DNAH5: variants seen among roughly 807,000 people sequenced by gnomAD.
The protein encoded by DNAH5 is axonemal beta dynein heavy chain 5.
A neutral mutation model predicts 518.2 loss-of-function variants in DNAH5; 372 were observed. The observed-to-expected ratio is 0.72, with a 90% CI of 0.66 to 0.78. The LOEUF (loss-of-function observed/expected upper bound fraction) is 0.78. Ranked by LOEUF, DNAH5 falls within the 30% of genes least tolerant of loss-of-function variation. DNAH5 has a pLI of 0.00. For missense variants in DNAH5, 5,523 were observed against 5,687.0 expected (o/e 0.97, Z 0.93); for synonymous variants, 2,039 against 2,025.9 (o/e 1.01, Z -0.17).
intron 53 of DNAH5, among the ~76,000 whole-genome samples, chr5:13,779,957 T>G (rs1252370029): frequency 1.3e-5 from 2 of 152,164 alleles, no homozygotes; most frequent in Non-Finnish European, 2.9e-5. Context: ...ATGTCCTCCC[T>G]AGGAGCAACT....
At chr5:13,839,976 T>C (rs1764942319) in intron 34 of DNAH5, among the ~76,000 whole-genome samples, 1 of 152,186 alleles carries the variant, frequency 6.6e-6, no homozygotes, top group Non-Finnish European at 1.5e-5. Flanking sequence ...CCAGTAATTA[T>C]TTTTCCCAAG....
At chr5:13,868,035 C>A in intron 24 of DNAH5, 43 bp from the exon 25 acceptor site, 1 of 1,346,078 alleles carries the variant, frequency 7.4e-7, no homozygotes, top group South Asian at 1.2e-5. Context: ...CAGTCAGATG[C>A]ATAAATCTAC....
At chr5:13,976,432 AC>A (rs2152062136) in intron 1 of DNAH5, among the ~76,000 whole-genome samples, 1 of 152,220 alleles carries the variant, frequency 6.6e-6, no homozygotes, top group Admixed American at 6.5e-5. Context: ...TGTCCAGAGT[AC>A]CCATGCTGTA....
intron 35 of DNAH5, among the ~76,000 whole-genome samples, chr5:13,833,943 C>T (rs1408738174): frequency 2.6e-5 from 4 of 152,222 alleles, no homozygotes; most frequent in Admixed American, 6.5e-5. Flanking sequence ...GCTGCCCCAG[C>T]TGTTAAATTC....
At position 13,800,870 on chromosome 5, in the gene DNAH5, G is replaced by A. The variant is rs536229619; in HGVS notation, c.7887+6721C>T. ...TTAATAAAACCAAGTAGATATGTTC[G>A]CTTATTAGATTATTGCCTGTCTCCT... On this transcript the variant is annotated intron_variant, in intron 47 of 78. Transcript: ENST00000265104. Among the ~76,000 whole-genome samples the A allele has an allele frequency of 1.1e-4, 16 of 152,182 alleles. No individual in the cohort carries two copies. The East Asian group carries it at 2.1e-3, about 20-fold the overall frequency.
intron 66 of DNAH5, 96 bp from the exon 67 acceptor site, chr5:13,736,028 C>T (rs1747358613): frequency 9.9e-7 from 1 of 1,010,814 alleles, no homozygotes; most frequent in East Asian, 2.4e-5. Flanking sequence ...AAAACAACAA[C>T]TTTTATTTTA....
chr5:13,754,620 C>T (rs946124108), intron 61 of DNAH5, among the ~76,000 whole-genome samples: 2 of 152,048 alleles, frequency 1.3e-5, no homozygotes, highest in Non-Finnish European at 1.5e-5. Context: ...CTCACTGCAA[C>T]CTCTGCCTCC....
Position 13,753,999 on chromosome 5 carries a change from G to GCA in DNAH5, c.10555+202_10555+203dup, listed in dbSNP as rs371698023. On this transcript the variant is annotated intron_variant, in intron 62 of 78. Transcript: ENST00000265104. Reference sequence around the variant, plus strand: ...GTCTCTTTCTCTGAAATGGCTGGAGGCACACACACACACACAGGAATTTTT... The same window carrying GCA: ...GTCTCTTTCTCTGAAATGGCTGGAGGCACACACACACACACACAGGAATTTTT... Among the ~76,000 whole-genome samples the GCA allele has an allele frequency of 1.1e-3, 166 of 150,894 alleles. 1 individual carries two copies. In the East Asian group the frequency reaches 0.016, roughly 15 times the overall value.
At chr5:13,906,128 C>G (rs907019166) in intron 12 of DNAH5, among the ~76,000 whole-genome samples, 1 of 152,180 alleles carries the variant, frequency 6.6e-6, no homozygotes, top group Non-Finnish European at 1.5e-5. Flanking sequence ...ATAGGTGGAG[C>G]ACAGGGGACT....
intron 1 of DNAH5, among the ~76,000 whole-genome samples, chr5:14,010,813 A>T (rs564712702): frequency 4.0e-4 from 61 of 152,330 alleles, no homozygotes; most frequent in African/African-American, 1.4e-3. Flanking sequence ...CTCTTAATTC[A>T]ACAAGTATAA....
At chr5:13,801,859 A>C (rs548655367) in intron 47 of DNAH5, among the ~76,000 whole-genome samples, 2 of 152,236 alleles carry the variant, frequency 1.3e-5, no homozygotes, top group Non-Finnish European at 2.9e-5. Flanking sequence ...TTAAAAAAAA[A>C]CACATAGACT....
chr5:13,868,096 A>C, intron 24 of DNAH5, 104 bp from the exon 25 acceptor site: 2 of 912,414 alleles, frequency 2.2e-6, no homozygotes, highest in Non-Finnish European at 3.5e-6. Flanking sequence ...AATAATAGTG[A>C]AACTACCCTG....
At chr5:14,009,559 G>A (rs187627563) in intron 1 of DNAH5, among the ~76,000 whole-genome samples, 64 of 152,174 alleles carry the variant, frequency 4.2e-4, no homozygotes, top group Middle Eastern at 3.4e-3. Flanking sequence ...CAATTATTAG[G>A]GCTACCAAAA....
At chr5:13,961,519 C>T (rs1323401672) in intron 1 of DNAH5, among the ~76,000 whole-genome samples, 1 of 152,132 alleles carries the variant, frequency 6.6e-6, no homozygotes, top group Non-Finnish European at 1.5e-5. Flanking sequence ...TGGCGGGCAC[C>T]TGTAATCCCA....
chr5:13,720,957 T>C (rs777765798), intron 71 of DNAH5, 43 bp downstream of exon 71: 2 of 1,613,534 alleles, frequency 1.2e-6, no homozygotes, highest in Admixed American at 3.3e-5. Context: ...CTATAACCTG[T>C]AATATGAACA....
Position 13,902,119 on chromosome 5 carries a change from A to G in DNAH5, c.1664T>C (p.Met555Thr), listed in dbSNP as rs754973327. Residue 555 changes from methionine to threonine, a missense_variant, in exon 13 of 79, where the codon ATG becomes ACG. Coordinates refer to ENST00000265104, the MANE Select transcript of DNAH5 (RefSeq NM_001369.3). ...NDLHNELRKF[M>T]DVTFAKIQNT... ...TTGAATCTTTGCAAATGTAACATCC[A>G]TGAACTTCCGCAACTCGTTCTAAAA... 7 of 1,608,622 alleles carry G rather than the reference A, an allele frequency of 4.4e-6. No individual in the cohort carries two copies. The highest frequency in any genetic ancestry group is 2.2e-5 in the East Asian group (1 of 44,808).
chr5:13,707,485 C>CA lies in DNAH5; in HGVS notation c.13338+637dup, dbSNP rs1742949214. Among the ~76,000 whole-genome samples, 1 of 152,140 alleles carries CA rather than the reference C, an allele frequency of 6.6e-6. No homozygotes were observed. The highest frequency in any genetic ancestry group is 2.4e-5 in the African/African-American group (1 of 41,430). On this transcript the variant is annotated intron_variant, in intron 76 of 78. Transcript: ENST00000265104. This position sits in a 1 kb window ranked among gnomAD's most constrained non-coding sequence, Gnocchi z 4.0. Reference sequence around the variant, plus strand: ...GAAAGAGTACACTGTAACACATGCCCATTCGGGAGCTGTAAACACTAACCC... The same window carrying CA: ...GAAAGAGTACACTGTAACACATGCCCAATTCGGGAGCTGTAAACACTAACCC...
chr5:13,829,936 T>C, intron 37 of DNAH5, 90 bp downstream of exon 37: 1 of 1,333,900 alleles, frequency 7.5e-7, no homozygotes, highest in Non-Finnish European at 1.1e-6. Flanking sequence ...CAATTTCCAT[T>C]CAGGAAAACA....
chr5:13,792,893 T>C (rs1237013300), intron 49 of DNAH5, among the ~76,000 whole-genome samples: 1 of 152,226 alleles, frequency 6.6e-6, no homozygotes, highest in Non-Finnish European at 1.5e-5. Flanking sequence ...TTAACATAAA[T>C]GTGTTCAAAC....
Sources: gnomAD v4.1 joint callset for allele counts (sites outside exome capture counted in the v4.1 genomes callset) on GRCh38, gnomAD v4.1.1 for gene constraint, Gnocchi (gnomAD v3.1) non-coding constraint, MANE v1.5 for transcripts, NCBI Gene and HGNC (gene_info 2026-07-23, HGNC 2026-07-21) for gene names.